Variants in RYR2 observed in about 807,000 individuals in gnomAD.
RYR2 encodes cardiac muscle ryanodine receptor-calcium release channel.
In RYR2, 227 loss-of-function variants were observed where a neutral mutation model predicts 601.1. The ratio of observed to expected loss-of-function variants is 0.38; its 90% CI spans 0.34 to 0.42. The LOEUF (loss-of-function observed/expected upper bound fraction) is 0.42, where lower values mean the gene tolerates loss of function less well. Ranked by LOEUF, RYR2 falls within the 10% of genes least tolerant of loss-of-function variation. RYR2 has a pLI of 1.00. For missense variants in RYR2, 4,646 were observed against 6,156.5 expected (o/e 0.75, Z 8.21); for synonymous variants, 2,223 against 2,175.1 (o/e 1.02, Z -0.61).
rs527813159 is a variant in RYR2, at chr1:237,244,355, C to G, written c.49-26142C>G. 2.6e-5 allele frequency among the ~76,000 whole-genome samples: 4 copies of G among 152,222 alleles called. No individual in the cohort carries two copies. In the South Asian group the frequency reaches 8.3e-4, roughly 32 times the overall value. ...CAGATAGTGAGGGTAGGGGCATCCT[C>G]GGTAAGATTTTCCTTTTAATGTAAA... On this transcript the variant is annotated intron_variant, in intron 1 of 104. Coordinates refer to ENST00000366574, the MANE Select transcript of RYR2 (RefSeq NM_001035.3).
At chr1:237,664,325 A>G (rs1472526486) in intron 56 of RYR2, among the ~76,000 whole-genome samples, 1 of 152,186 alleles carries the variant, frequency 6.6e-6, no homozygotes, top group African/African-American at 2.4e-5. Context: ...AAGCTTTTCA[A>G]ATAGATCAGT....
chr1:237,122,963 A>G (rs1250403943), intron 1 of RYR2, among the ~76,000 whole-genome samples: 1 of 152,254 alleles, frequency 6.6e-6, no homozygotes, highest in Non-Finnish European at 1.5e-5. Flanking sequence ...AGATGAAAAG[A>G]CATGTATATC....
Position 237,643,420 on chromosome 1 carries a change from G to T in RYR2, c.7315G>T (p.Ala2439Ser). 6.2e-7 allele frequency: 1 copy of T among 1,613,754 alleles called. No homozygotes were observed. The highest frequency in any genetic ancestry group is 1.1e-5 in the South Asian group (1 of 91,074). The change falls in exon 48 of 105, where the codon GCT becomes TCT. Residue 2439 changes from alanine (A) to serine (S), a missense_variant. By Grantham distance (99) the Ala-to-Ser change is moderately conservative. Coordinates refer to ENST00000366574, the MANE Select transcript of RYR2 (RefSeq NM_001035.3). Reference sequence around the variant, plus strand: ...AGATTTGGTGGGCGTTATCAGCATCGCTTTTCAGATGCCAACAATAGCCAA... The same window carrying T: ...AGATTTGGTGGGCGTTATCAGCATCTCTTTTCAGATGCCAACAATAGCCAA... Reference protein sequence around the residue: ...LGDLVGVISIAFQMPTIAKDG... With the variant: ...LGDLVGVISISFQMPTIAKDG...
rs1338983872 is a variant in RYR2, at chr1:237,374,794, A to G, written c.462A>G (p.Thr154=). 2 of 1,610,968 alleles carry G rather than the reference A, an allele frequency of 1.2e-6. No homozygotes were observed. Among genetic ancestry groups the G allele is most frequent in the South Asian group, 1.1e-5 (1 of 90,396 alleles). ...AFDVGLQEDT[T]GEACWWTIHP... is the part of the protein sequence containing the mutation. Reference sequence around the variant, plus strand: ...ATGTTGGCTTGCAAGAGGACACCACAGGTAAGCATCTTGTGCTGCGGGAAG... The same window carrying G: ...ATGTTGGCTTGCAAGAGGACACCACGGGTAAGCATCTTGTGCTGCGGGAAG... Residue 154 remains threonine, a splice_region_variant and synonymous_variant, in exon 7 of 105, where the codon ACA becomes ACG. Transcript: ENST00000366574.
chr1:237,832,738 T>A lies in RYR2; in HGVS notation c.*91T>A. On this transcript the variant is annotated 3_prime_UTR_variant, in exon 105 of 105. Transcript: ENST00000366574. Reference sequence around the variant, plus strand: ...GCTCTCTTGGAAACATTTTGCTGATTTTGTGAATTGCCAGCGTTGTGTGTT... The same window carrying A: ...GCTCTCTTGGAAACATTTTGCTGATATTGTGAATTGCCAGCGTTGTGTGTT... 1.4e-6 allele frequency: 1 copy of A among 698,890 alleles called. No individual in the cohort carries two copies. The highest frequency in any genetic ancestry group is 2.4e-6 in the Non-Finnish European group (1 of 417,806). The allele number at this position is 698,890 out of a possible 1,614,324, so 43.3% of individuals were successfully genotyped here.
intron 1 of RYR2, among the ~76,000 whole-genome samples, chr1:237,116,542 CACAT>C (rs1157322030): frequency 2.0e-5 from 3 of 150,952 alleles, no homozygotes; most frequent in Admixed American, 2.0e-4. Flanking sequence ...CACATGTACA[CACAT>C]ATATACATAC....
intron 32 of RYR2, among the ~76,000 whole-genome samples, chr1:237,593,231 T>G (rs1675429626): frequency 6.6e-6 from 1 of 152,188 alleles, no homozygotes; most frequent in Non-Finnish European, 1.5e-5. Flanking sequence ...GCATGTTTGC[T>G]CAGATCACAT....
intron 13 of RYR2, among the ~76,000 whole-genome samples, chr1:237,442,870 T>A (rs1048400996): frequency 3.3e-5 from 5 of 152,218 alleles, no homozygotes. Flanking sequence ...TGTATATAAC[T>A]CGAACTAGAT....
At chr1:237,319,736 A>G (rs1284922611) in intron 2 of RYR2, among the ~76,000 whole-genome samples, 1 of 152,194 alleles carries the variant, frequency 6.6e-6, no homozygotes, top group Admixed American at 6.5e-5. Flanking sequence ...TAAGAAGTTC[A>G]GGTCATTTTC....
chr1:237,511,855 A>C (rs1665948337), intron 24 of RYR2, 64 bp downstream of exon 24: 2 of 980,250 alleles, frequency 2.0e-6, no homozygotes, highest in Non-Finnish European at 2.9e-6. Flanking sequence ...AAAAAAAAAA[A>C]AAAACAGGTA....
intron 45 of RYR2, 140 bp downstream of exon 45, chr1:237,638,632 G>A: frequency 1.1e-6 from 1 of 934,078 alleles, no homozygotes; most frequent in Non-Finnish European, 1.6e-6. Flanking sequence ...GTTTTTCACA[G>A]TAACCACTTA....
rs562551323 is a variant in RYR2, at chr1:237,553,471, C to T, written c.3214+2780C>T. On this transcript the variant is annotated intron_variant, in intron 27 of 104. Transcript: ENST00000366574. ...TATTCCATTGTCTTCATTTTTATCA[C>T]ATAGTAAATTTAAAATCAGGTAGGG... is the stretch of plus-strand genomic sequence containing the variant. 3.9e-5 allele frequency among the ~76,000 whole-genome samples: 6 copies of T among 152,064 alleles called. No individual in the cohort carries two copies. The South Asian group carries it at 1.2e-3, about 32-fold the overall frequency.
chr1:237,106,903 T>A lies in RYR2; in HGVS notation c.48+64334T>A, dbSNP rs1023178142. Among the ~76,000 whole-genome samples the A allele has an allele frequency of 5.9e-5, 9 of 152,154 alleles. No individual in the cohort carries two copies. Among genetic ancestry groups the A allele is most frequent in the Admixed American group, 6.5e-5 (1 of 15,274 alleles). On this transcript the variant is annotated intron_variant, in intron 1 of 104. Coordinates refer to ENST00000366574, the MANE Select transcript of RYR2 (RefSeq NM_001035.3). This position sits in a 1 kb window ranked among gnomAD's most constrained non-coding sequence, Gnocchi z 4.4. ...AAAGGAGCTCTCTGAAGTCCCTTTG[T>A]AAAGGGCAGTAATCACCTCCCAAGG...
chr1:237,425,015 T>G (rs906347960), intron 12 of RYR2, among the ~76,000 whole-genome samples: 5 of 152,230 alleles, frequency 3.3e-5, no homozygotes, highest in Admixed American at 2.0e-4. Context: ...GTATTTCATA[T>G]AAATAATGTC....
intron 12 of RYR2, 93 bp downstream of exon 12, chr1:237,423,341 G>T: frequency 1.5e-6 from 2 of 1,362,876 alleles, no homozygotes; most frequent in Non-Finnish European, 2.0e-6. Context: ...GAAAATAAAT[G>T]ATGTAAGTAT....
chr1:237,497,775 A>G (rs1664227258), intron 20 of RYR2, among the ~76,000 whole-genome samples: 1 of 152,214 alleles, frequency 6.6e-6, no homozygotes. Flanking sequence ...GTATCTAACA[A>G]TGATACTTAC....
Position 237,644,466 on chromosome 1 carries a change from T to A in RYR2, c.7342+1019T>A, listed in dbSNP as rs550053532. Among the ~76,000 whole-genome samples, 416 of 151,832 alleles carry A rather than the reference T, an allele frequency of 2.7e-3. 4 individuals are homozygous for A. Among genetic ancestry groups the A allele is most frequent in the South Asian group, 0.027 (129 of 4,806 alleles). On this transcript the variant is annotated intron_variant, in intron 48 of 104. Coordinates refer to ENST00000366574, the MANE Select transcript of RYR2 (RefSeq NM_001035.3). ...CCAGGATGGTCTCGACCTCCTGACC[T>A]CACGATCCGCCTGCCTCAGCCTCCC...
At chr1:237,137,202 C>A (rs575007362) in intron 1 of RYR2, among the ~76,000 whole-genome samples, 7 of 152,124 alleles carry the variant, frequency 4.6e-5, no homozygotes, top group Admixed American at 1.3e-4. Context: ...GAATTTCAGT[C>A]CCCTTAAGGA....
chr1:237,058,479 G>A (rs1662441948), intron 1 of RYR2, among the ~76,000 whole-genome samples: 1 of 152,154 alleles, frequency 6.6e-6, no homozygotes, highest in Non-Finnish European at 1.5e-5. Flanking sequence ...GTATTTACAT[G>A]TGTAAATTCC....
Sources: gnomAD v4.1 joint callset for allele counts (sites outside exome capture counted in the v4.1 genomes callset) on GRCh38, gnomAD v4.1.1 for gene constraint, Gnocchi (gnomAD v3.1) non-coding constraint, MANE v1.5 for transcripts, NCBI Gene and HGNC (gene_info 2026-07-23, HGNC 2026-07-21) for gene names.